USPL1: variants seen among roughly 807,000 people sequenced by gnomAD.
USPL1 encodes the protein SUMO-specific isopeptidase USPL1.
In USPL1, 27 loss-of-function variants were observed where a neutral mutation model predicts 51.5. The observed-to-expected ratio is 0.52, with a 90% CI of 0.39 to 0.72. The LOEUF is 0.72. Ranked by LOEUF, USPL1 falls within the 30% of genes least tolerant of loss-of-function variation. The pLI, the probability that USPL1 is intolerant of heterozygous loss-of-function variation, is 0.00. For synonymous variants in USPL1, 451 were observed against 459.6 expected, an observed-to-expected ratio of 0.98 and a Z score of 0.24; for missense variants, 1,226 against 1,268.0, an observed-to-expected ratio of 0.97 and a Z score of 0.50.
intron 6 of USPL1, among the ~76,000 whole-genome samples, chr13:30,644,230 C>T (rs1476502119): frequency 6.6e-6 from 1 of 151,940 alleles, no homozygotes; most frequent in Admixed American, 6.6e-5. Context: ...TTGCAGTGAG[C>T]TGAGATTGCA....
chr13:30,624,420 G>A (rs1337267010), intron 3 of USPL1, among the ~76,000 whole-genome samples: 1 of 152,086 alleles, frequency 6.6e-6, no homozygotes, highest in Admixed American at 6.6e-5. Context: ...TTGGAGACCA[G>A]CCCATGCAAC....
chr13:30,635,754 T>C (rs1254796609), intron 4 of USPL1, among the ~76,000 whole-genome samples: 1 of 152,238 alleles, frequency 6.6e-6, no homozygotes. Flanking sequence ...TTATACATCG[T>C]TTCCCTCTTG....
intron 3 of USPL1, among the ~76,000 whole-genome samples, chr13:30,625,342 T>C (rs767153242): frequency 6.6e-5 from 10 of 152,082 alleles, no homozygotes; most frequent in Non-Finnish European, 1.5e-4. Context: ...GGGGAGAAGA[T>C]CAGGACTGTA....
At chr13:30,640,175 A>ATTAT (rs1950928191) in intron 5 of USPL1, among the ~76,000 whole-genome samples, 2 of 152,198 alleles carry the variant, frequency 1.3e-5, no homozygotes, top group South Asian at 4.1e-4. Flanking sequence ...TAATTCATGG[A>ATTAT]GAACTTTATG....
intron 3 of USPL1, among the ~76,000 whole-genome samples, chr13:30,626,110 G>C (rs529141590): frequency 6.6e-6 from 1 of 152,170 alleles, no homozygotes; most frequent in Non-Finnish European, 1.5e-5. Context: ...GAGGTCAGGA[G>C]TTCGAGACCA....
chr13:30,657,329 C>G, intron 8 of USPL1, 145 bp from the exon 9 acceptor site: 1 of 812,424 alleles, frequency 1.2e-6, no homozygotes, highest in South Asian at 2.5e-5. Context: ...ACATGGCAGA[C>G]AATGGTGACA....
intron 4 of USPL1, among the ~76,000 whole-genome samples, chr13:30,631,801 A>C (rs544182145): frequency 5.9e-5 from 9 of 152,180 alleles, no homozygotes; most frequent in African/African-American, 2.2e-4. Context: ...ACTTGTCTTT[A>C]ATTCTTAAAA....
intron 8 of USPL1, among the ~76,000 whole-genome samples, chr13:30,657,261 T>C (rs143876173): frequency 4.0e-4 from 61 of 152,340 alleles, no homozygotes; most frequent in African/African-American, 1.1e-3. Context: ...TTGGATAAAT[T>C]AGGTGATAAC....
chr13:30,628,600 C>T (rs895593066), intron 3 of USPL1, among the ~76,000 whole-genome samples: 1 of 152,186 alleles, frequency 6.6e-6, no homozygotes, highest in Non-Finnish European at 1.5e-5. Context: ...CGTGTGTTCT[C>T]ATTGTTCAGC....
At chr13:30,647,873 G>T (rs1951038737) in intron 7 of USPL1, among the ~76,000 whole-genome samples, 1 of 152,164 alleles carries the variant, frequency 6.6e-6, no homozygotes, top group Non-Finnish European at 1.5e-5. Flanking sequence ...AGTGCTTACA[G>T]GCTCAAAAGG....
intron 2 of USPL1, 76 bp downstream of exon 2, chr13:30,621,315 A>G (rs1364240263): frequency 7.6e-5 from 84 of 1,106,804 alleles, no homozygotes; most frequent in Non-Finnish European, 1.1e-4. Context: ...TTCAATTTTG[A>G]TGTTACCAGT....
At chr13:30,643,066 T>C (rs1950970004) in intron 6 of USPL1, among the ~76,000 whole-genome samples, 1 of 152,188 alleles carries the variant, frequency 6.6e-6, no homozygotes, top group African/African-American at 2.4e-5. Flanking sequence ...TTTTGCTTGT[T>C]TACTTTAGGT....
Position 30,659,322 on chromosome 13 carries a change from C to T in USPL1, c.3245C>T (p.Pro1082Leu), listed in dbSNP as rs1951223331. ...NALANDTLDL[P>L]HFDEYLFENY ...TTAGCAAATGACACATTAGACCTAC[C>T]TCATTTCGATGAATATCTGTTTGAG... The change falls in exon 9 of 9, where the codon CCT becomes CTT. Residue 1082 changes from proline to leucine, a missense_variant. Physicochemically the swap from Pro to Leu is moderately conservative, Grantham distance 98. Transcript: ENST00000255304. 1.2e-6 allele frequency: 2 copies of T among 1,602,132 alleles called. No homozygotes were observed. Among genetic ancestry groups the T allele is most frequent in the Non-Finnish European group, 1.7e-6 (2 of 1,173,008 alleles).
At position 30,660,610 on chromosome 13, in the gene USPL1, G is replaced by A. The variant is rs572540492; in HGVS notation, c.*1254G>A. The A allele has an allele frequency of 6.6e-6, 1 of 152,374 alleles. No individual in the cohort carries two copies. The highest frequency in any genetic ancestry group is 2.1e-4 in the South Asian group (1 of 4,832). The allele number at this position is 152,374 out of a possible 1,614,324, so 9.4% of individuals were successfully genotyped here. On this transcript the variant is annotated 3_prime_UTR_variant, in exon 9 of 9. Transcript: ENST00000255304. ...TGGCCTTCTGTAAGAGCCTACGCCTGTTTGTTACACCGGTAGAGTGCTGTG... is the reference window on the plus strand; with the variant it reads ...TGGCCTTCTGTAAGAGCCTACGCCTATTTGTTACACCGGTAGAGTGCTGTG...
At chr13:30,642,438 T>C (rs1950960141) in intron 5 of USPL1, among the ~76,000 whole-genome samples, 190 bp from the exon 6 acceptor site, 1 of 152,210 alleles carries the variant, frequency 6.6e-6, no homozygotes, top group Non-Finnish European at 1.5e-5. Flanking sequence ...ATTAAATCTT[T>C]AGGATGGACA....
At chr13:30,625,728 C>T (rs183690813) in intron 3 of USPL1, among the ~76,000 whole-genome samples, 5 of 152,038 alleles carry the variant, frequency 3.3e-5, no homozygotes, top group Non-Finnish European at 1.5e-5. Context: ...CAGGTGTGAG[C>T]CACCACGCCC....
chr13:30,622,175 T>C (rs1413184696), intron 3 of USPL1, among the ~76,000 whole-genome samples: 1 of 152,096 alleles, frequency 6.6e-6, no homozygotes, highest in Non-Finnish European at 1.5e-5. Context: ...TTGTTAGCTA[T>C]TAGCATATAG....
chr13:30,621,770 G>T lies in USPL1; in HGVS notation c.106G>T (p.Asp36Tyr). 6.6e-7 allele frequency: 1 copy of T among 1,513,978 alleles called. No individual in the cohort carries two copies. Among genetic ancestry groups the T allele is most frequent in the Non-Finnish European group, 8.8e-7 (1 of 1,135,376 alleles). The allele number at this position is 1,513,978 out of a possible 1,614,324, so 93.8% of individuals were successfully genotyped here. Residue 36 changes from aspartate (D) to tyrosine (Y), a missense_variant, in exon 3 of 9, where the codon GAT becomes TAT. Transcript: ENST00000255304. Reference protein sequence around the residue: ...HMVGYLGKNFDSAKVPSDEYC... With the variant: ...HMVGYLGKNFYSAKVPSDEYC... ...TGCTTTATTTCTCTTTTAGAATTTT[G>T]ATTCAGCTAAAGTTCCATCAGATGA...
At chr13:30,644,034 C>T (rs993355844) in intron 6 of USPL1, among the ~76,000 whole-genome samples, 2 of 151,924 alleles carry the variant, frequency 1.3e-5, no homozygotes, top group Non-Finnish European at 2.9e-5. Flanking sequence ...TCTGTAATCC[C>T]AGCACTTTGG....
Sources: allele counts gnomAD v4.1 joint callset (sites outside exome capture counted in the v4.1 genomes callset), GRCh38; gene constraint gnomAD v4.1.1; transcripts MANE v1.5; gene names NCBI Gene and HGNC (gene_info 2026-07-23, HGNC 2026-07-21).